The following ATXN7 variants were observed in gnomAD, a reference collection of about 807,000 sequenced individuals.
ATXN7 encodes the protein ataxin 7.
Under a neutral mutation model 70.5 loss-of-function variants are expected in ATXN7, and 12 were observed. That is an observed-to-expected ratio of 0.17 (90% CI 0.11 to 0.28). The LOEUF (loss-of-function observed/expected upper bound fraction) is 0.28, where lower values mean the gene tolerates loss of function less well. Ranked by LOEUF, ATXN7 falls within the 10% of genes least tolerant of loss-of-function variation. The pLI, the probability that ATXN7 is intolerant of heterozygous loss-of-function variation, is 1.00. For missense variants in ATXN7, 1,256 were observed against 1,131.7 expected, an observed-to-expected ratio of 1.11 and a Z score of -1.58; for synonymous variants, 498 against 448.7, an observed-to-expected ratio of 1.11 and a Z score of -1.39.
chr3:63,998,715 T>C (rs2075799620), intron 12 of ATXN7: 2 of 978,422 alleles, frequency 2.0e-6, no homozygotes, highest in Non-Finnish European at 2.4e-6. Flanking sequence ...CATTTTTATG[T>C]CTTTGTTCAT....
intron 2 of ATXN7, among the ~76,000 whole-genome samples, chr3:63,908,358 A>C (rs977065949): frequency 1.3e-5 from 2 of 152,238 alleles, no homozygotes; most frequent in East Asian, 3.8e-4. Flanking sequence ...TCTCTGGAGA[A>C]GAACGAGGAA....
intron 4 of ATXN7, among the ~76,000 whole-genome samples, chr3:63,914,438 G>C (rs1368041283): frequency 6.6e-6 from 1 of 152,180 alleles, no homozygotes; most frequent in African/African-American, 2.4e-5. Context: ...TGCTATTTGA[G>C]GGTAAAGGAA....
At chr3:63,866,747 A>G (rs1314089269) in intron 1 of ATXN7, 1 of 152,200 alleles carries the variant, frequency 6.6e-6, no homozygotes, top group Admixed American at 6.5e-5. Flanking sequence ...AGTAAACTTT[A>G]CAAGTGGTCT....
chr3:63,881,196 ACT>A (rs1216202336), intron 1 of ATXN7, among the ~76,000 whole-genome samples: 1 of 151,926 alleles, frequency 6.6e-6, no homozygotes, highest in African/African-American at 2.4e-5. Context: ...CAGGATTTAA[ACT>A]CTGGTCTGTT....
At chr3:63,894,609 C>T (rs947189000) in intron 1 of ATXN7, among the ~76,000 whole-genome samples, 2 of 152,178 alleles carry the variant, frequency 1.3e-5, no homozygotes, top group African/African-American at 2.4e-5. Flanking sequence ...ACTGCAGCCT[C>T]AGCTTCCCAG....
intron 1 of ATXN7, among the ~76,000 whole-genome samples, chr3:63,883,660 A>G (rs1045149035): frequency 4.6e-5 from 7 of 152,192 alleles, no homozygotes; most frequent in Non-Finnish European, 1.0e-4. Context: ...AACTGCCATA[A>G]GTCATCACGA....
chr3:63,863,813 G>A, upstream of ATXN7: 1 of 1,235,188 alleles, frequency 8.1e-7, no homozygotes, highest in Non-Finnish European at 1.0e-6. Context: ...GGCGGCGGCG[G>A]CGGCGGCGGC....
chr3:63,924,281 C>T (rs1385632969), intron 4 of ATXN7, among the ~76,000 whole-genome samples: 1 of 152,144 alleles, frequency 6.6e-6, no homozygotes, highest in Non-Finnish European at 1.5e-5. Flanking sequence ...GGCCACACTG[C>T]TTTTGACGTA....
At position 64,002,603 on chromosome 3, in the gene ATXN7, T is replaced by C. The variant is rs145568367; in HGVS notation, c.*3136T>C. ...AAACTGAAAGTGCCTGAAACTAGTT[T>C]TAAGCTTAGACAGAATCTCTTTAAA... On this transcript the variant is annotated 3_prime_UTR_variant, in exon 13 of 13. Coordinates refer to ENST00000674280, the MANE Select transcript of ATXN7 (RefSeq NM_001377405.1). 1.6e-3 allele frequency: 240 copies of C among 152,332 alleles called. 1 individual carries two copies. The highest frequency in any genetic ancestry group is 5.4e-3 in the African/African-American group (224 of 41,580). 9.4% of individuals were successfully genotyped at this position (152,332 alleles called of 1,614,324 possible). A position where few individuals can be genotyped will look rare whatever the true frequency, so the allele number is the denominator to read the frequency against.
chr3:63,914,928 G>GT lies in ATXN7; in HGVS notation c.394+1709dup, dbSNP rs1265370119. Among the ~76,000 whole-genome samples, 6 of 152,228 alleles carry GT rather than the reference G, an allele frequency of 3.9e-5. No homozygotes were observed. The East Asian group carries it at 9.7e-4, about 25-fold the overall frequency. ...ATGGATCTTGTTAGTGTTTTGTTTT[G>GT]TTTTTTGAGACGGAGTCTCACTCTG... On this transcript the variant is annotated intron_variant, in intron 4 of 12. Transcript: ENST00000674280.
chr3:63,978,726 A>G (rs1277700029), intron 5 of ATXN7, among the ~76,000 whole-genome samples: 1 of 152,226 alleles, frequency 6.6e-6, no homozygotes, highest in Admixed American at 6.5e-5. Flanking sequence ...GTAGATAGCT[A>G]GGATAATAAT....
intron 1 of ATXN7, among the ~76,000 whole-genome samples, chr3:63,867,880 G>GAAAT (rs151039428): frequency 0.023 from 3,550 of 152,120 alleles, 75 homozygotes; most frequent in African/African-American, 0.058. Context: ...GTAAGACACT[G>GAAAT]AAATAAATAA....
intron 4 of ATXN7, among the ~76,000 whole-genome samples, chr3:63,938,938 T>C (rs1424618879): frequency 6.6e-6 from 1 of 152,222 alleles, no homozygotes; most frequent in Non-Finnish European, 1.5e-5. Flanking sequence ...ATATTTTAAA[T>C]TCCTGGGTGA....
chr3:63,917,000 A>G (rs922875750), intron 4 of ATXN7, among the ~76,000 whole-genome samples: 1 of 152,086 alleles, frequency 6.6e-6, no homozygotes, highest in Non-Finnish European at 1.5e-5. Flanking sequence ...GCTCACTGCA[A>G]CTTCCGCTTC....
intron 4 of ATXN7, among the ~76,000 whole-genome samples, chr3:63,931,163 T>C (rs970126956): frequency 2.0e-5 from 3 of 152,106 alleles, no homozygotes; most frequent in Admixed American, 6.6e-5. Flanking sequence ...GATCTTGAAC[T>C]CCTGGGCTCA....
At chr3:63,879,811 C>T (rs1245165516) in intron 1 of ATXN7, among the ~76,000 whole-genome samples, 5 of 152,042 alleles carry the variant, frequency 3.3e-5, no homozygotes, top group South Asian at 2.1e-4. Context: ...TGGCCAGTCG[C>T]GGTGGCTCAT....
chr3:63,891,773 A>G (rs1252975563), intron 1 of ATXN7, among the ~76,000 whole-genome samples: 1 of 152,252 alleles, frequency 6.6e-6, no homozygotes, highest in Non-Finnish European at 1.5e-5. Flanking sequence ...AGTATTTACA[A>G]AGGCTTAGTA....
chr3:63,899,275 T>A (rs1703540209), intron 2 of ATXN7, among the ~76,000 whole-genome samples: 1 of 151,802 alleles, frequency 6.6e-6, no homozygotes, highest in South Asian at 2.1e-4. Context: ...TTGGCCAGAC[T>A]GGTCTCGAAC....
At chr3:63,890,567 T>C (rs538256786) in intron 1 of ATXN7, among the ~76,000 whole-genome samples, 1 of 152,328 alleles carries the variant, frequency 6.6e-6, no homozygotes, top group South Asian at 2.1e-4. Flanking sequence ...CTTGATTTTG[T>C]TATCTGTATG....
Sources: gnomAD v4.1 joint callset for allele counts (sites outside exome capture counted in the v4.1 genomes callset) on GRCh38, gnomAD v4.1.1 for gene constraint, MANE v1.5 for transcripts, NCBI Gene and HGNC (gene_info 2026-07-23, HGNC 2026-07-21) for gene names.